Variants in TBXAS1 observed in about 807,000 individuals in gnomAD.
TBXAS1 encodes thromboxane A synthase 1.
A neutral mutation model predicts 60.7 loss-of-function variants in TBXAS1; 48 were observed. The observed-to-expected ratio is 0.79, with a 90% CI of 0.63 to 1.01. The LOEUF (loss-of-function observed/expected upper bound fraction) is 1.01. TBXAS1 is among the 50% of genes least tolerant of loss of function. The probability of loss-of-function intolerance (pLI) is 0.00; values close to 1 mark genes in which losing one functional copy is unlikely to be tolerated. For missense variants in TBXAS1, 685 were observed against 686.3 expected (o/e 1.00, Z 0.02); for synonymous variants, 287 against 269.7 (o/e 1.06, Z -0.63).
intron 9 of TBXAS1, among the ~76,000 whole-genome samples, chr7:139,986,797 G>GTA (rs1277647934): frequency 2.5e-5 from 1 of 40,274 alleles, no homozygotes; most frequent in Non-Finnish European, 4.6e-5. Context: ...GTGTGTGTGT[G>GTA]TGTATATATA....
At chr7:139,903,631 G>A (rs910126101) in intron 3 of TBXAS1, among the ~76,000 whole-genome samples, 1 of 151,814 alleles carries the variant, frequency 6.6e-6, no homozygotes, top group Non-Finnish European at 1.5e-5. Flanking sequence ...ATTATTTTTT[G>A]ATTATAGCCA....
chr7:139,888,606 A>G (rs541530041), intron 3 of TBXAS1, among the ~76,000 whole-genome samples: 4 of 152,188 alleles, frequency 2.6e-5, no homozygotes, highest in Admixed American at 1.3e-4. Flanking sequence ...CAGTCTCTGC[A>G]CTGAGTGTGT....
At chr7:139,819,652 G>A (rs755276869) in intron 4 of TBXAS1, among the ~76,000 whole-genome samples, 7 of 152,044 alleles carry the variant, frequency 4.6e-5, no homozygotes, top group East Asian at 1.9e-4. Context: ...ACAGGTGCAC[G>A]CCACCATGCC....
At chr7:139,998,970 T>C (rs753574723) in intron 9 of TBXAS1, among the ~76,000 whole-genome samples, 1 of 152,274 alleles carries the variant, frequency 6.6e-6, no homozygotes, top group Non-Finnish European at 1.5e-5. Context: ...TAATTACTTT[T>C]TCTCGAGTAT....
chr7:139,853,198 G>T (rs1018944207), intron 1 of TBXAS1, among the ~76,000 whole-genome samples: 1 of 152,184 alleles, frequency 6.6e-6, no homozygotes, highest in Non-Finnish European at 1.5e-5. Flanking sequence ...GAACCCTGGG[G>T]ATAGCGTCCT....
At chr7:139,967,634 G>C (rs1184791864) in intron 9 of TBXAS1, among the ~76,000 whole-genome samples, 1 of 152,162 alleles carries the variant, frequency 6.6e-6, no homozygotes, top group Admixed American at 6.5e-5. Context: ...CCCCTGATTG[G>C]CTTAGACTTG....
At chr7:139,878,504 CT>C (rs1289389841) in intron 3 of TBXAS1, among the ~76,000 whole-genome samples, 3 of 152,086 alleles carry the variant, frequency 2.0e-5, no homozygotes, top group African/African-American at 7.2e-5. Context: ...ATCAACTTTT[CT>C]CCTTTGGAAA....
chr7:139,961,833 TG>T, intron 8 of TBXAS1, 85 bp from the exon 9 acceptor site: 1 of 1,522,584 alleles, frequency 6.6e-7, no homozygotes, highest in Non-Finnish European at 9.0e-7. Flanking sequence ...GCTATGCCCA[TG>T]TATCTTCCTC....
intron 3 of TBXAS1, 34 bp from the exon 4 acceptor site, chr7:139,911,191 C>T: frequency 6.3e-7 from 1 of 1,582,462 alleles, no homozygotes; most frequent in South Asian, 1.1e-5. Flanking sequence ...ATGGGTAATG[C>T]AACACATTTT....
chr7:139,803,781 C>G (rs541910240), intron 4 of TBXAS1, among the ~76,000 whole-genome samples: 2 of 152,294 alleles, frequency 1.3e-5, no homozygotes, highest in South Asian at 4.1e-4. Context: ...AGTCCCAAAT[C>G]TTAGCAGCTT....
At chr7:139,826,652 C>G (rs1798445164), upstream of TBXAS1, among the ~76,000 whole-genome samples, 1 of 152,130 alleles carries the variant, frequency 6.6e-6, no homozygotes, top group Non-Finnish European at 1.5e-5. Flanking sequence ...TCAGTTTCTT[C>G]CTCTGTAACT....
At chr7:139,951,521 G>C (rs1003524457) in intron 5 of TBXAS1, among the ~76,000 whole-genome samples, 10 of 148,154 alleles carry the variant, frequency 6.7e-5, no homozygotes, top group African/African-American at 2.5e-4. Context: ...ACTTTGGGAG[G>C]CCAAAGTGGG....
At chr7:139,830,138 G>T (rs1285224803) in intron 1 of TBXAS1, among the ~76,000 whole-genome samples, 1 of 152,116 alleles carries the variant, frequency 6.6e-6, no homozygotes, top group Non-Finnish European at 1.5e-5. Context: ...GGCTGACTCT[G>T]GTGTCTGTAG....
intron 9 of TBXAS1, among the ~76,000 whole-genome samples, chr7:139,974,233 G>A (rs1811407721): frequency 6.6e-6 from 1 of 152,138 alleles, no homozygotes; most frequent in Non-Finnish European, 1.5e-5. Context: ...CATGAAAATG[G>A]CATAGCTAGA....
chr7:139,817,203 T>TC (rs1262539708), intron 4 of TBXAS1, among the ~76,000 whole-genome samples: 2 of 151,766 alleles, frequency 1.3e-5, no homozygotes, highest in Non-Finnish European at 1.5e-5. Flanking sequence ...TGCTGCTGTC[T>TC]CCCCCCGTCC....
chr7:139,942,022 T>C (rs1808332551), intron 5 of TBXAS1, among the ~76,000 whole-genome samples: 1 of 152,216 alleles, frequency 6.6e-6, no homozygotes, highest in East Asian at 1.9e-4. Flanking sequence ...AGATATTAAA[T>C]CAATAGGAAT....
intron 3 of TBXAS1, among the ~76,000 whole-genome samples, chr7:139,897,863 G>T (rs1804232858): frequency 6.6e-6 from 1 of 152,174 alleles, no homozygotes; most frequent in Non-Finnish European, 1.5e-5. Flanking sequence ...GCCTATGACT[G>T]TGTCACTGGC....
At chr7:139,984,325 T>TG (rs1206792459) in intron 9 of TBXAS1, among the ~76,000 whole-genome samples, 1 of 152,160 alleles carries the variant, frequency 6.6e-6, no homozygotes, top group Non-Finnish European at 1.5e-5. Context: ...TTATTCCTTT[T>TG]TTACAGAGCC....
rs1200754349 is a variant in TBXAS1 at position 139,957,736 on chromosome 7, CCT to C, written c.792_793del (p.Leu265AlafsTer33). On this transcript the variant is annotated frameshift_variant, in exon 8 of 13. Transcript: ENST00000448866. LOFTEE classifies it high-confidence loss of function. ...AACAAACTCATTAGGAATGTGATTG[CCT>C]TGCGGGACCAGCAAGCTGCCGAAGA... The C allele has an allele frequency of 2.5e-6, 4 of 1,614,066 alleles. No individual in the cohort carries two copies. Among genetic ancestry groups the C allele is most frequent in the Non-Finnish European group, 3.4e-6 (4 of 1,180,016 alleles).
Sources: gnomAD v4.1 joint callset for allele counts (sites outside exome capture counted in the v4.1 genomes callset) on GRCh38, gnomAD v4.1.1 for gene constraint, MANE v1.5 for transcripts, NCBI Gene and HGNC (gene_info 2026-07-23, HGNC 2026-07-21) for gene names.